Variants in CMSS1 observed in about 807,000 individuals in gnomAD.
CMSS1 encodes cms1 ribosomal small subunit homolog.
CMSS1 carries 33 observed loss-of-function variants against 43.5 expected under a neutral mutation model. That is an observed-to-expected ratio of 0.76 (90% CI 0.57 to 1.01). The LOEUF (loss-of-function observed/expected upper bound fraction) is 1.01. Ranked by LOEUF, CMSS1 falls within the 50% of genes least tolerant of loss-of-function variation. CMSS1 has a pLI of 0.00. For missense variants in CMSS1, 313 were observed against 326.4 expected, an observed-to-expected ratio of 0.96 and a Z score of 0.32; for synonymous variants, 115 against 117.2, an observed-to-expected ratio of 0.98 and a Z score of 0.12.
chr3:99,864,231 A>T (rs1329863345), intron 1 of CMSS1, among the ~76,000 whole-genome samples: 1 of 152,162 alleles, frequency 6.6e-6, no homozygotes, highest in Non-Finnish European at 1.5e-5. Flanking sequence ...CTTAGTTGAA[A>T]AACTGAGGCC....
chr3:99,993,330 G>A (rs1410827453), intron 1 of CMSS1, among the ~76,000 whole-genome samples: 1 of 151,820 alleles, frequency 6.6e-6, no homozygotes, highest in Non-Finnish European at 1.5e-5. Context: ...TTCAGTTTTG[G>A]AGCTTGGAAC....
intron 1 of CMSS1, among the ~76,000 whole-genome samples, chr3:99,899,634 G>C (rs1706370872): frequency 6.6e-6 from 1 of 152,154 alleles, no homozygotes; most frequent in Non-Finnish European, 1.5e-5. Context: ...CTAGGAATCT[G>C]ACATAAAGTA....
chr3:99,905,470 C>T (rs1233563259), intron 1 of CMSS1, among the ~76,000 whole-genome samples: 4 of 152,210 alleles, frequency 2.6e-5, no homozygotes, highest in Non-Finnish European at 1.5e-5. Flanking sequence ...GTATGTCTTG[C>T]ATCTTTAGAA....
At chr3:100,144,755 G>T (rs951219462) in intron 1 of CMSS1, among the ~76,000 whole-genome samples, 2 of 152,310 alleles carry the variant, frequency 1.3e-5, no homozygotes, top group East Asian at 1.9e-4. Context: ...GCAGACTTTT[G>T]TTGGGGCTTT....
chr3:99,929,511 A>AGTGTGT (rs1252520553), intron 1 of CMSS1, among the ~76,000 whole-genome samples: 1 of 123,944 alleles, frequency 8.1e-6, no homozygotes, highest in African/African-American at 3.1e-5. Flanking sequence ...GCAAGTTCCC[A>AGTGTGT]GAGTGTGTGT....
intron 1 of CMSS1, among the ~76,000 whole-genome samples, chr3:99,933,819 A>G (rs905122878): frequency 2.0e-5 from 3 of 152,204 alleles, no homozygotes; most frequent in Admixed American, 6.5e-5. Context: ...CATAATGGGC[A>G]TGCATTAGGG....
At chr3:100,073,760 G>C (rs2065800617) in intron 1 of CMSS1, among the ~76,000 whole-genome samples, 1 of 152,076 alleles carries the variant, frequency 6.6e-6, no homozygotes, top group Admixed American at 6.6e-5. Context: ...GTGTGTGCCG[G>C]GCAAGATCTC....
intron 1 of CMSS1, among the ~76,000 whole-genome samples, chr3:100,109,594 T>A (rs2107473600): frequency 6.6e-6 from 1 of 152,284 alleles, no homozygotes; most frequent in East Asian, 1.9e-4. Context: ...ATGCAGCTTT[T>A]TCAGTCTGGA....
At chr3:99,943,058 G>A (rs879905349) in intron 1 of CMSS1, among the ~76,000 whole-genome samples, 1 of 152,098 alleles carries the variant, frequency 6.6e-6, no homozygotes, top group Non-Finnish European at 1.5e-5. Context: ...AACAACTTTG[G>A]ACCTCCACTT....
rs1327271431 is a variant in CMSS1 at position 99,869,700 on chromosome 3, G to A, written c.64+51657G>A. 2.0e-5 allele frequency among the ~76,000 whole-genome samples: 3 copies of A among 152,124 alleles called. No individual in the cohort carries two copies. The East Asian group carries it at 5.8e-4, about 29-fold the overall frequency. On this transcript the variant is annotated intron_variant, in intron 1 of 9. Coordinates refer to ENST00000421999, the MANE Select transcript of CMSS1 (RefSeq NM_032359.4). The stretch of plus-strand genomic sequence containing the variant: ...TAACAGGCAGACACTTAAGTCTTGC[G>A]AGCCCAAATGTGATGTTTTACATTC...
chr3:100,148,568 T>C (rs1209665425), intron 2 of CMSS1, among the ~76,000 whole-genome samples: 2 of 152,154 alleles, frequency 1.3e-5, no homozygotes, highest in African/African-American at 4.8e-5. Flanking sequence ...GTTGCTTAAC[T>C]TGCCCACCGA....
At chr3:100,016,471 T>G (rs1710343741) in intron 1 of CMSS1, among the ~76,000 whole-genome samples, 2 of 152,134 alleles carry the variant, frequency 1.3e-5, no homozygotes, top group Admixed American at 6.5e-5. Flanking sequence ...AGGTGTGAGC[T>G]ACTACACCCA....
At chr3:99,955,669 T>C (rs982445210) in intron 1 of CMSS1, among the ~76,000 whole-genome samples, 10 of 152,096 alleles carry the variant, frequency 6.6e-5, no homozygotes, top group African/African-American at 2.4e-4. Context: ...TTGATGATAA[T>C]GAAATAACTT....
At chr3:100,053,283 T>G (rs775708792) in intron 1 of CMSS1, among the ~76,000 whole-genome samples, 1 of 152,214 alleles carries the variant, frequency 6.6e-6, no homozygotes, top group Non-Finnish European at 1.5e-5. Flanking sequence ...CTCACAGTTC[T>G]AGAGGCTAGA....
intron 1 of CMSS1, among the ~76,000 whole-genome samples, chr3:100,066,770 A>T: frequency 1.1e-5 from 1 of 94,568 alleles, no homozygotes; most frequent in Non-Finnish European, 2.5e-5. Context: ...TGACCTCGTG[A>T]TCCGCCCGCC....
At chr3:100,033,353 A>G (rs1331922536) in intron 1 of CMSS1, among the ~76,000 whole-genome samples, 1 of 152,182 alleles carries the variant, frequency 6.6e-6, no homozygotes, top group East Asian at 1.9e-4. Flanking sequence ...GCCAATGGAA[A>G]ACCCACAAGC....
At chr3:99,896,238 G>A (rs189156944) in intron 1 of CMSS1, among the ~76,000 whole-genome samples, 57 of 152,288 alleles carry the variant, frequency 3.7e-4, no homozygotes, top group African/African-American at 1.2e-3. Context: ...CAAATAAGTG[G>A]CAACATATGT....
chr3:99,848,321 G>A (rs1317584722), intron 1 of CMSS1: 2 of 1,614,132 alleles, frequency 1.2e-6, no homozygotes, highest in Non-Finnish European at 1.7e-6. Context: ...CGAGGAAGAG[G>A]TGTGGCTGTT....
intron 1 of CMSS1, among the ~76,000 whole-genome samples, chr3:100,057,808 G>C (rs2065490926): frequency 6.6e-6 from 1 of 152,064 alleles, no homozygotes; most frequent in Non-Finnish European, 1.5e-5. Context: ...CAAACCCTAG[G>C]TTTTTTTAAC....
Sources: gnomAD v4.1 joint callset for allele counts (sites outside exome capture counted in the v4.1 genomes callset) on GRCh38, gnomAD v4.1.1 for gene constraint, MANE v1.5 for transcripts, NCBI Gene and HGNC (gene_info 2026-07-23, HGNC 2026-07-21) for gene names.